Variants in SFT2D1 observed in about 807,000 individuals in gnomAD.
SFT2D1 encodes the protein SFT2 domain containing 1, also known as vesicle transport protein SFT2A.
Under a neutral mutation model 28.1 loss-of-function variants are expected in SFT2D1, and 24 were observed. That is an observed-to-expected ratio of 0.85 (90% CI 0.62 to 1.20). The LOEUF is 1.20. Among genes scored for constraint, SFT2D1 ranks in the 50% most tolerant of loss-of-function variants. SFT2D1 has a pLI of 0.00. For missense variants in SFT2D1, 181 were observed against 190.9 expected (o/e 0.95, Z 0.31); for synonymous variants, 82 against 73.7 (o/e 1.11, Z -0.58).
chr6:166,334,862 T>C, intron 1 of SFT2D1: 1 of 420,936 alleles, frequency 2.4e-6, no homozygotes, highest in Non-Finnish European at 4.6e-6. Context: ...CTCGAGAAGA[T>C]TCTCAAAGAC....
chr6:166,330,368 T>C (rs1778528440), intron 1 of SFT2D1, 121 bp from the exon 2 acceptor site: 2 of 674,712 alleles, frequency 3.0e-6, no homozygotes, highest in Non-Finnish European at 2.5e-6. Context: ...CATATCACAG[T>C]GTCATTCAAG....
intron 1 of SFT2D1, among the ~76,000 whole-genome samples, chr6:166,340,994 G>C (rs147974905): frequency 2.3e-3 from 354 of 152,286 alleles, no homozygotes; most frequent in African/African-American, 8.0e-3. Context: ...CCAAAGTTTA[G>C]AGTAGCACTG....
chr6:166,325,205 T>C (rs1778421240), intron 5 of SFT2D1, among the ~76,000 whole-genome samples: 1 of 152,216 alleles, frequency 6.6e-6, no homozygotes, highest in Non-Finnish European at 1.5e-5. Flanking sequence ...TTAAGAATAT[T>C]CTTTTATCAT....
chr6:166,342,135 G>C (rs1778793369), intron 1 of SFT2D1, among the ~76,000 whole-genome samples: 1 of 152,134 alleles, frequency 6.6e-6, no homozygotes, highest in African/African-American at 2.4e-5. Flanking sequence ...GGGAGCGATG[G>C]ATTATTTGGG....
intron 1 of SFT2D1, among the ~76,000 whole-genome samples, chr6:166,330,841 A>T (rs1361995441): frequency 6.6e-6 from 1 of 152,180 alleles, no homozygotes; most frequent in Non-Finnish European, 1.5e-5. Context: ...CACCCCATGG[A>T]GGGTAGAGGA....
intron 1 of SFT2D1, among the ~76,000 whole-genome samples, chr6:166,340,532 ACAC>A (rs1583044623): frequency 6.6e-6 from 1 of 152,100 alleles, no homozygotes. Context: ...TGCTGACCAC[ACAC>A]CACTTGGGAC....
At chr6:166,341,445 A>G (rs1778779660) in intron 1 of SFT2D1, among the ~76,000 whole-genome samples, 1 of 111,516 alleles carries the variant, frequency 9.0e-6, no homozygotes, top group South Asian at 3.5e-4. Context: ...GCAAGACTCC[A>G]TCTAAAAAAA....
intron 2 of SFT2D1, among the ~76,000 whole-genome samples, 176 bp from the exon 3 acceptor site, chr6:166,329,765 C>T (rs960391058): frequency 6.6e-5 from 10 of 152,222 alleles, no homozygotes; most frequent in Non-Finnish European, 1.3e-4. Flanking sequence ...CAATGTTATA[C>T]ACTAACTTGA....
chr6:166,325,878 A>G (rs1383721850), intron 5 of SFT2D1: 1 of 554,074 alleles, frequency 1.8e-6, no homozygotes, highest in African/African-American at 1.9e-5. Context: ...TCTATGGCAC[A>G]TTTAGCCACC....
chr6:166,332,323 C>T (rs1778566938), intron 1 of SFT2D1, among the ~76,000 whole-genome samples: 2 of 152,328 alleles, frequency 1.3e-5, no homozygotes, highest in African/African-American at 4.8e-5. Context: ...GGCGCCATCT[C>T]AGCTCAATGC....
At chr6:166,322,307 G>C (rs138134607) in intron 7 of SFT2D1, among the ~76,000 whole-genome samples, 178 of 152,284 alleles carry the variant, frequency 1.2e-3, no homozygotes, top group Non-Finnish European at 1.9e-3. Flanking sequence ...CAGGCAGCAG[G>C]GCGGGAGGAT....
intron 5 of SFT2D1, chr6:166,324,803 T>G: frequency 1.8e-6 from 1 of 544,372 alleles, no homozygotes; most frequent in South Asian, 2.5e-5. Flanking sequence ...TCCATTAATT[T>G]AAATACTGCA....
intron 1 of SFT2D1, among the ~76,000 whole-genome samples, chr6:166,337,972 C>T (rs1004402832): frequency 1.4e-4 from 21 of 152,098 alleles, no homozygotes; most frequent in Non-Finnish European, 2.1e-4. Flanking sequence ...CTGCTCTCTG[C>T]CATGTCAAGA....
chr6:166,327,132 T>C (rs1327367324), intron 4 of SFT2D1, among the ~76,000 whole-genome samples: 1 of 152,220 alleles, frequency 6.6e-6, no homozygotes, highest in African/African-American at 2.4e-5. Flanking sequence ...TTAACAAACA[T>C]TTCCTTATAA....
intron 1 of SFT2D1, among the ~76,000 whole-genome samples, chr6:166,334,162 A>C (rs1159971383): frequency 1.3e-5 from 2 of 152,160 alleles, no homozygotes; most frequent in Non-Finnish European, 2.9e-5. Flanking sequence ...GCCTCTGTAC[A>C]CTCATACATC....
chr6:166,337,882 G>A (rs1778688547), intron 1 of SFT2D1, among the ~76,000 whole-genome samples: 1 of 152,156 alleles, frequency 6.6e-6, no homozygotes, highest in Non-Finnish European at 1.5e-5. Context: ...TGGCCCTTCA[G>A]GAGATGATCA....
At chr6:166,330,284 A>C in intron 1 of SFT2D1, 37 bp from the exon 2 acceptor site, 1 of 1,325,900 alleles carries the variant, frequency 7.5e-7, no homozygotes, top group Non-Finnish European at 1.1e-6. Flanking sequence ...ATATAGTCTT[A>C]ATTCACTACC....
At chr6:166,330,096 A>C in intron 2 of SFT2D1, 65 bp downstream of exon 2, 1 of 1,266,666 alleles carries the variant, frequency 7.9e-7, no homozygotes, top group Non-Finnish European at 1.1e-6. Context: ...AGTTTTTGGT[A>C]CTAAATGGAA....
chr6:166,324,692 T>C, intron 5 of SFT2D1, 97 bp from the exon 6 acceptor site: 4 of 1,083,292 alleles, frequency 3.7e-6, no homozygotes, highest in South Asian at 1.6e-5. Context: ...ATGTAGATGA[T>C]GGCTTCATTT....
Sources: allele counts gnomAD v4.1 joint callset (sites outside exome capture counted in the v4.1 genomes callset), GRCh38; gene constraint gnomAD v4.1.1; transcripts MANE v1.5; gene names NCBI Gene and HGNC (gene_info 2026-07-23, HGNC 2026-07-21).